Variants in TMEM117 observed in about 807,000 individuals in gnomAD.
The protein encoded by TMEM117 is transmembrane protein 117.
In TMEM117, 27 loss-of-function variants were observed where a neutral mutation model predicts 52.4. That is an observed-to-expected ratio of 0.51 (90% CI 0.38 to 0.71). The LOEUF (loss-of-function observed/expected upper bound fraction) is 0.71. Among genes scored for constraint, TMEM117 ranks in the 30% least tolerant of loss-of-function variants. TMEM117 has a pLI of 0.00. For synonymous variants in TMEM117, 215 were observed against 206.3 expected (o/e 1.04, Z -0.36); for missense variants, 556 against 630.5 (o/e 0.88, Z 1.26).
intron 4 of TMEM117, among the ~76,000 whole-genome samples, chr12:44,200,655 T>C (rs1292856140): frequency 6.6e-6 from 1 of 152,178 alleles, no homozygotes; most frequent in African/African-American, 2.4e-5. Context: ...GAATTAAGAC[T>C]AAGTGACATA....
chr12:44,196,859 C>T (rs1949427444), intron 4 of TMEM117, among the ~76,000 whole-genome samples: 1 of 152,162 alleles, frequency 6.6e-6, no homozygotes, highest in African/African-American at 2.4e-5. Flanking sequence ...CTTAATCTTT[C>T]AAATTCTGAA....
At chr12:44,050,897 T>C (rs979343473) in intron 3 of TMEM117, among the ~76,000 whole-genome samples, 1 of 152,222 alleles carries the variant, frequency 6.6e-6, no homozygotes, top group African/African-American at 2.4e-5. Context: ...ATCGCCCATG[T>C]CCTAGGAAGT....
intron 3 of TMEM117, among the ~76,000 whole-genome samples, chr12:44,134,249 T>C (rs1351018320): frequency 1.3e-5 from 2 of 152,198 alleles, no homozygotes; most frequent in East Asian, 3.9e-4. Context: ...GTTATCACTC[T>C]GTTGCCCAGG....
At chr12:44,392,038 C>T (rs551148095), downstream of TMEM117, among the ~76,000 whole-genome samples, 1 of 152,198 alleles carries the variant, frequency 6.6e-6, no homozygotes, top group East Asian at 1.9e-4. Flanking sequence ...CATTTATCCC[C>T]ATTTAGACGT....
chr12:44,300,284 C>T (rs919808953), intron 6 of TMEM117, among the ~76,000 whole-genome samples: 3 of 152,192 alleles, frequency 2.0e-5, no homozygotes, highest in Non-Finnish European at 4.4e-5. Context: ...ATTTTTCATA[C>T]AATAGCATCA....
chr12:44,386,187 C>G (rs1374788261), intron 7 of TMEM117, among the ~76,000 whole-genome samples: 2 of 152,090 alleles, frequency 1.3e-5, no homozygotes, highest in East Asian at 1.9e-4. Flanking sequence ...CTGTCCTGTT[C>G]CCCTAACAAG....
At chr12:44,104,900 A>G (rs1320669718) in intron 3 of TMEM117, among the ~76,000 whole-genome samples, 1 of 151,894 alleles carries the variant, frequency 6.6e-6, no homozygotes, top group East Asian at 1.9e-4. Context: ...GGTTCTTTCA[A>G]GATTTTTAAA....
intron 3 of TMEM117, among the ~76,000 whole-genome samples, chr12:44,021,978 A>G (rs1385390563): frequency 6.6e-6 from 1 of 152,206 alleles, no homozygotes; most frequent in African/African-American, 2.4e-5. Flanking sequence ...TATGTGTAAT[A>G]TATATCTATG....
intron 2 of TMEM117, among the ~76,000 whole-genome samples, chr12:43,884,145 A>G (rs1943947875): frequency 6.6e-6 from 1 of 151,866 alleles, no homozygotes; most frequent in Admixed American, 6.6e-5. Context: ...AAAAAAAAAA[A>G]AAAAGAAAGA....
At chr12:43,877,288 A>T (rs1162718484) in intron 2 of TMEM117, among the ~76,000 whole-genome samples, 1 of 152,194 alleles carries the variant, frequency 6.6e-6, no homozygotes, top group Non-Finnish European at 1.5e-5. Context: ...AATTTTTGAA[A>T]AGAAGCTATA....
intron 5 of TMEM117, among the ~76,000 whole-genome samples, chr12:44,296,408 A>G (rs1014865582): frequency 2.6e-5 from 4 of 152,004 alleles, no homozygotes; most frequent in African/African-American, 9.7e-5. Flanking sequence ...AGACAAATGT[A>G]CCTCCTGCCA....
At position 44,234,092 on chromosome 12, in the gene TMEM117, C is replaced by T. The variant is rs1949965360; in HGVS notation, c.608+22705C>T. ...CTTTTCTTGCACTATCCTTGTGTCT[C>T]TATCCCGATTATGCTGGCATCATAA... On this transcript the variant is annotated intron_variant, in intron 5 of 7. Transcript: ENST00000266534. Among the ~76,000 whole-genome samples, 3 of 145,572 alleles carry T rather than the reference C, an allele frequency of 2.1e-5. No homozygotes were observed. The South Asian group carries it at 6.9e-4, about 34-fold the overall frequency.
At chr12:43,965,453 C>T (rs1945468755) in intron 3 of TMEM117, among the ~76,000 whole-genome samples, 3 of 152,140 alleles carry the variant, frequency 2.0e-5, no homozygotes, top group Admixed American at 1.3e-4. Context: ...TGGATTAGAG[C>T]CACCTGTCCG....
chr12:44,147,057 A>G (rs758313020), intron 4 of TMEM117, among the ~76,000 whole-genome samples: 1 of 152,192 alleles, frequency 6.6e-6, no homozygotes, highest in East Asian at 1.9e-4. Context: ...GGTACTCCCC[A>G]TGCAGAGGAC....
chr12:44,328,179 A>G (rs938151276), intron 6 of TMEM117, among the ~76,000 whole-genome samples: 1 of 152,162 alleles, frequency 6.6e-6, no homozygotes, highest in African/African-American at 2.4e-5. Context: ...TACTAATTGT[A>G]TTAGTTATGG....
chr12:44,390,199 G>GACACACACAC (rs58917894), downstream of TMEM117, among the ~76,000 whole-genome samples: 502 of 143,688 alleles, frequency 3.5e-3, 2 homozygotes, highest in South Asian at 0.015. Flanking sequence ...AAACATATCT[G>GACACACACAC]ACACACACAC....
At chr12:44,203,885 G>C (rs1949529920) in intron 4 of TMEM117, among the ~76,000 whole-genome samples, 1 of 152,132 alleles carries the variant, frequency 6.6e-6, no homozygotes, top group Non-Finnish European at 1.5e-5. Flanking sequence ...GTTGATATTA[G>C]AGTATGTGTC....
At chr12:43,839,529 C>T (rs1943085521) in intron 1 of TMEM117, among the ~76,000 whole-genome samples, 1 of 152,172 alleles carries the variant, frequency 6.6e-6, no homozygotes, top group Admixed American at 6.5e-5. Context: ...CTGCTGTCTT[C>T]TCTCCCTTCT....
At chr12:44,166,734 T>C (rs976613406) in intron 4 of TMEM117, among the ~76,000 whole-genome samples, 13 of 152,228 alleles carry the variant, frequency 8.5e-5, no homozygotes, top group African/African-American at 3.1e-4. Flanking sequence ...CACATGAATT[T>C]AAGCATCCTG....
Sources: allele counts gnomAD v4.1 joint callset (sites outside exome capture counted in the v4.1 genomes callset), GRCh38; gene constraint gnomAD v4.1.1; transcripts MANE v1.5; gene names NCBI Gene and HGNC (gene_info 2026-07-23, HGNC 2026-07-21).